Variants in DACH2 observed in about 807,000 individuals in gnomAD.
DACH2 encodes dachshund homolog 2.
Under a neutral mutation model 35.8 loss-of-function variants are expected in DACH2, and 17 were observed. That is an observed-to-expected ratio of 0.48 (90% CI 0.33 to 0.71). The LOEUF is 0.71. Among genes scored for constraint, DACH2 ranks in the 30% least tolerant of loss-of-function variants. DACH2 has a pLI of 0.02. For synonymous variants in DACH2, 195 were observed against 177.3 expected, an observed-to-expected ratio of 1.10 and a Z score of -0.79; for missense variants, 469 against 472.7, an observed-to-expected ratio of 0.99 and a Z score of 0.07.
chrX:86,620,399 A>G (rs762636764), intron 3 of DACH2, among the ~76,000 whole-genome samples: 3 of 111,465 alleles, frequency 2.7e-5, no homozygotes, highest in African/African-American at 9.8e-5. Flanking sequence ...AACATGGGGA[A>G]TATTTTTTCC....
chrX:86,266,073 C>T (rs754771033), intron 1 of DACH2, among the ~76,000 whole-genome samples: 83 of 111,362 alleles, frequency 7.5e-4, no homozygotes, highest in Admixed American at 5.0e-3. Flanking sequence ...TTGTTCATAA[C>T]TAGAACTTGA....
intron 7 of DACH2, chrX:86,798,554 A>G (rs1453710186): frequency 8.8e-6 from 1 of 114,234 alleles, no homozygotes; most frequent in Non-Finnish European, 1.9e-5. Context: ...ATATTTGTCA[A>G]TATACAGGAT....
At chrX:86,692,671 CTA>C (rs755333835) in intron 4 of DACH2, among the ~76,000 whole-genome samples, 159 of 111,589 alleles carry the variant, frequency 1.4e-3, no homozygotes, top group African/African-American at 4.4e-3. Flanking sequence ...TAGTGCAGTA[CTA>C]TGTTATTATC....
At chrX:86,290,709 G>A (rs1469773903) in intron 1 of DACH2, among the ~76,000 whole-genome samples, 4 of 100,020 alleles carry the variant, frequency 4.0e-5, no homozygotes, top group East Asian at 3.2e-4. Flanking sequence ...TTTTTCTCAG[G>A]TTTGTCAAAG....
chrX:86,727,649 C>T (rs1032751603), intron 6 of DACH2, among the ~76,000 whole-genome samples: 1 of 110,343 alleles, frequency 9.1e-6, no homozygotes, highest in Non-Finnish European at 1.9e-5. Flanking sequence ...GACACAAGAT[C>T]TAGTTGTTTA....
At chrX:86,434,831 C>T (rs1303906721) in intron 2 of DACH2, among the ~76,000 whole-genome samples, 2 of 111,627 alleles carry the variant, frequency 1.8e-5, no homozygotes, top group Non-Finnish European at 3.8e-5. Flanking sequence ...CTGACATCTG[C>T]TCAGCTTTTG....
intron 4 of DACH2, among the ~76,000 whole-genome samples, chrX:86,653,676 T>G (rs957979966): frequency 4.6e-4 from 46 of 100,557 alleles, no homozygotes; most frequent in African/African-American, 1.6e-3. Flanking sequence ...TTTTTTTTTT[T>G]TTTTTTTGAG....
At chrX:86,645,498 C>T (rs2040404644) in intron 3 of DACH2, among the ~76,000 whole-genome samples, 2 of 110,671 alleles carry the variant, frequency 1.8e-5, no homozygotes, top group South Asian at 7.6e-4. Flanking sequence ...ATGGGGATTC[C>T]TCAAAGAGCT....
At chrX:86,407,587 A>G (rs765274827) in intron 2 of DACH2, among the ~76,000 whole-genome samples, 4 of 112,300 alleles carry the variant, frequency 3.6e-5, no homozygotes, top group Non-Finnish European at 7.5e-5. Flanking sequence ...TTCTGTTGCT[A>G]AAGAATGGGG....
Position 86,291,935 on chromosome X carries a change from C to T in DACH2, c.489-84889C>T, listed in dbSNP as rs1285539504. ...GCTTTGGTATCAGGATGATGCTGGC[C>T]TCATAAAATGAGTTAGGGAGGATTC... On this transcript the variant is annotated intron_variant, in intron 1 of 11. Coordinates refer to ENST00000373125, the MANE Select transcript of DACH2 (RefSeq NM_053281.3). 8.7e-5 allele frequency among the ~76,000 whole-genome samples: 6 copies of T among 68,865 alleles called. No individual in the cohort carries two copies. In the East Asian group the frequency reaches 2.4e-3, roughly 27 times the overall value. The allele number at this position is 68,865 out of a possible 115,157, so 59.8% of individuals were successfully genotyped here.
Position 86,148,484 on chromosome X carries a change from T to G in DACH2, c.-137T>G. The G allele has an allele frequency of 1.4e-6, 1 of 733,991 alleles. No individual in the cohort carries two copies. The highest frequency in any genetic ancestry group is 1.9e-6 in the Non-Finnish European group (1 of 515,981). The allele number at this position is 733,991 out of a possible 1,213,427, so 60.5% of individuals were successfully genotyped here. A position where few individuals can be genotyped will look rare whatever the true frequency, so the allele number is the denominator to read the frequency against. On this transcript the variant is annotated 5_prime_UTR_variant, in exon 1 of 12. Coordinates refer to ENST00000373125, the MANE Select transcript of DACH2 (RefSeq NM_053281.3). ...TTGAGCTTGAGCGTGAGCCGGCTGC[T>G]GAAGACTTGCGAACAGTTCGGAGCC...
rs1361039576 is a variant in DACH2 at position 86,311,256 on chromosome X, C to T, written c.489-65568C>T. Among the ~76,000 whole-genome samples the T allele has an allele frequency of 2.7e-5, 3 of 112,083 alleles. No homozygotes were observed. In the South Asian group the frequency reaches 1.1e-3, roughly 41 times the overall value. The stretch of plus-strand genomic sequence containing the variant: ...TACCATCCATGGACTCACGGAATGC[C>T]TTATCCACCATCACGGTATTCCACA... On this transcript the variant is annotated intron_variant, in intron 1 of 11. Transcript: ENST00000373125.
chrX:86,445,151 G>T (rs929097080), intron 2 of DACH2, among the ~76,000 whole-genome samples: 15 of 110,200 alleles, frequency 1.4e-4, no homozygotes, highest in African/African-American at 4.0e-4. Context: ...TGAAGCAATT[G>T]TATATTGCTC....
At chrX:86,284,370 G>A (rs187614957) in intron 1 of DACH2, among the ~76,000 whole-genome samples, 3 of 111,416 alleles carry the variant, frequency 2.7e-5, no homozygotes, top group African/African-American at 6.5e-5. Flanking sequence ...TCTTCATTCC[G>A]TTGATATGAC....
At chrX:86,253,193 A>G (rs2033436703) in intron 1 of DACH2, among the ~76,000 whole-genome samples, 1 of 111,370 alleles carries the variant, frequency 9.0e-6, no homozygotes, top group Non-Finnish European at 1.9e-5. Flanking sequence ...AATTAAAAAA[A>G]AACTACATAG....
intron 1 of DACH2, among the ~76,000 whole-genome samples, chrX:86,340,355 G>A (rs1308634307): frequency 2.7e-5 from 3 of 111,302 alleles, no homozygotes; most frequent in Non-Finnish European, 3.8e-5. Context: ...GATGATCTAT[G>A]GTCAGTGATC....
chrX:86,479,639 C>A (rs750792147), intron 2 of DACH2, among the ~76,000 whole-genome samples: 1 of 111,657 alleles, frequency 9.0e-6, no homozygotes, highest in Non-Finnish European at 1.9e-5. Context: ...TCTGGGTCCT[C>A]TGGGCAAGCT....
At chrX:86,594,223 A>G (rs1379987326) in intron 3 of DACH2, among the ~76,000 whole-genome samples, 1 of 111,387 alleles carries the variant, frequency 9.0e-6, no homozygotes, top group South Asian at 3.7e-4. Context: ...TTAGTAATTT[A>G]TGTGATACCT....
chrX:86,389,132 T>C (rs2036164822), intron 2 of DACH2, among the ~76,000 whole-genome samples: 1 of 112,100 alleles, frequency 8.9e-6, no homozygotes, highest in African/African-American at 3.2e-5. Context: ...TATCAACTGG[T>C]ACTTTCATTT....
Sources: gnomAD v4.1 joint callset for allele counts (sites outside exome capture counted in the v4.1 genomes callset) on GRCh38, gnomAD v4.1.1 for gene constraint, MANE v1.5 for transcripts, NCBI Gene and HGNC (gene_info 2026-07-23, HGNC 2026-07-21) for gene names.